The following GFRA1 variants were observed in gnomAD, a reference collection of about 807,000 sequenced individuals.
The protein encoded by GFRA1 is GDNF family receptor alpha 1.
Under a neutral mutation model 51.6 loss-of-function variants are expected in GFRA1, and 16 were observed. The ratio of observed to expected loss-of-function variants is 0.31; its 90% CI spans 0.21 to 0.47. GFRA1 has a LOEUF of 0.47. GFRA1 is among the 20% of genes least tolerant of loss of function. The probability of loss-of-function intolerance (pLI) is 1.00; values close to 1 mark genes in which losing one functional copy is unlikely to be tolerated. For missense variants in GFRA1, 530 were observed against 594.3 expected (o/e 0.89, Z 1.13); for synonymous variants, 270 against 241.3 (o/e 1.12, Z -1.10).
At chr10:116,085,375 G>T (rs1440165390) in intron 9 of GFRA1, among the ~76,000 whole-genome samples, 1 of 152,176 alleles carries the variant, frequency 6.6e-6, no homozygotes, top group Non-Finnish European at 1.5e-5. Flanking sequence ...CTTCTCAAGG[G>T]AAGTGAACTT....
chr10:116,271,896 C>T lies in GFRA1; in HGVS notation c.40+94G>A, dbSNP rs1209975350. 14 of 962,268 alleles carry T rather than the reference C, an allele frequency of 1.5e-5. No individual in the cohort carries two copies. In the Admixed American group the frequency reaches 2.4e-4, roughly 16 times the overall value. 59.6% of individuals were successfully genotyped at this position (962,268 alleles called of 1,614,324 possible). A position where few individuals can be genotyped will look rare whatever the true frequency, so the allele number is the denominator to read the frequency against. ...TCCTTCCACATCCACCACACCCGCG[C>T]CCCAATTTTGGTGCGGAGGGCGGGG... On this transcript the variant is annotated intron_variant, in intron 2 of 10. Transcript: ENST00000355422.
At chr10:116,216,219 GTGC>G (rs1565656961) in intron 4 of GFRA1, among the ~76,000 whole-genome samples, 1 of 152,168 alleles carries the variant, frequency 6.6e-6, no homozygotes, top group Non-Finnish European at 1.5e-5. Context: ...ACTTTCTTGA[GTGC>G]TACTCATCCA....
At chr10:116,194,054 ATAAATAAAATTT>A (rs1389753668) in intron 5 of GFRA1, among the ~76,000 whole-genome samples, 2 of 76,896 alleles carry the variant, frequency 2.6e-5, no homozygotes, top group Non-Finnish European at 5.0e-5. Context: ...AAAAAAATAA[ATAAATAAAATTT>A]AAAAAAAAAA....
chr10:116,185,383 T>C (rs1355780932), intron 5 of GFRA1, among the ~76,000 whole-genome samples: 2 of 152,108 alleles, frequency 1.3e-5, no homozygotes, highest in Non-Finnish European at 2.9e-5. Flanking sequence ...TTAATTGTGA[T>C]GCTACATAAG....
chr10:116,073,836 T>C (rs1955507813), intron 9 of GFRA1, among the ~76,000 whole-genome samples: 1 of 152,188 alleles, frequency 6.6e-6, no homozygotes, highest in Non-Finnish European at 1.5e-5. Context: ...CTGTGACTTA[T>C]GGTGGTAACT....
intron 9 of GFRA1, among the ~76,000 whole-genome samples, chr10:116,066,336 A>C (rs1278424355): frequency 6.6e-6 from 1 of 152,142 alleles, no homozygotes; most frequent in Admixed American, 6.5e-5. Context: ...ACCCTTTCAG[A>C]TGGGCATCCT....
chr10:116,181,409 C>T (rs148826769), intron 5 of GFRA1, among the ~76,000 whole-genome samples: 52 of 152,288 alleles, frequency 3.4e-4, no homozygotes, highest in African/African-American at 1.0e-3. Context: ...GGCCTCACAA[C>T]GGAAAGGACC....
rs527249330 is a variant in GFRA1 at position 116,206,206 on chromosome 10, T to A, written c.433+5425A>T. Among the ~76,000 whole-genome samples the A allele has an allele frequency of 1.1e-4, 16 of 152,244 alleles. No homozygotes were observed. The South Asian group carries it at 3.3e-3, about 32-fold the overall frequency. ...TTACCTGGAAGTGGTAAAAATAGAT[T>A]TCATTTATTCACTCAAATCCCACAC... On this transcript the variant is annotated intron_variant, in intron 5 of 10. Transcript: ENST00000355422.
At chr10:116,185,064 T>C (rs908469309) in intron 5 of GFRA1, among the ~76,000 whole-genome samples, 5 of 152,138 alleles carry the variant, frequency 3.3e-5, no homozygotes, top group African/African-American at 1.2e-4. Flanking sequence ...CTGTTCTGAA[T>C]GTAAGGAGAG....
intron 5 of GFRA1, among the ~76,000 whole-genome samples, chr10:116,192,730 G>A (rs773100483): frequency 6.6e-6 from 1 of 152,100 alleles, no homozygotes; most frequent in African/African-American, 2.4e-5. Context: ...AATTCCATGG[G>A]AGTGCGGGGC....
chr10:116,152,012 G>C (rs938485774), intron 5 of GFRA1, among the ~76,000 whole-genome samples: 2 of 152,160 alleles, frequency 1.3e-5, no homozygotes, highest in African/African-American at 4.8e-5. Flanking sequence ...AAAGCTTGGT[G>C]ATTTGAAGAA....
At chr10:116,245,881 T>C (rs1967825775) in intron 4 of GFRA1, among the ~76,000 whole-genome samples, 2 of 152,074 alleles carry the variant, frequency 1.3e-5, no homozygotes, top group Admixed American at 6.6e-5. Flanking sequence ...AAAAGAAAAC[T>C]ATGAAGACAG....
chr10:116,095,837 C>T (rs143540927), intron 7 of GFRA1, among the ~76,000 whole-genome samples: 5 of 152,180 alleles, frequency 3.3e-5, no homozygotes, highest in Admixed American at 6.5e-5. Flanking sequence ...CTTCTGACAA[C>T]TGTGATTTTC....
chr10:116,075,039 G>A (rs1030617529), intron 9 of GFRA1, among the ~76,000 whole-genome samples: 3 of 152,140 alleles, frequency 2.0e-5, no homozygotes, highest in Non-Finnish European at 2.9e-5. Context: ...TTATTACCCA[G>A]CAATTGGGTT....
intron 4 of GFRA1, among the ~76,000 whole-genome samples, chr10:116,237,197 A>T (rs907318352): frequency 1.3e-5 from 2 of 152,200 alleles, no homozygotes; most frequent in African/African-American, 4.8e-5. Context: ...AGCTATACAA[A>T]CTGCTCTGCA....
At chr10:116,161,257 G>C (rs138107452) in intron 5 of GFRA1, among the ~76,000 whole-genome samples, 96 of 152,282 alleles carry the variant, frequency 6.3e-4, no homozygotes, top group Middle Eastern at 3.4e-3. Context: ...TCACTGGAAG[G>C]TCAGTTCTCC....
At chr10:116,073,846 T>C (rs1955508405) in intron 9 of GFRA1, among the ~76,000 whole-genome samples, 1 of 152,156 alleles carries the variant, frequency 6.6e-6, no homozygotes, top group Non-Finnish European at 1.5e-5. Flanking sequence ...TGGTGGTAAC[T>C]AAGGTTTGAT....
chr10:116,099,805 G>C (rs1956746278), intron 6 of GFRA1, among the ~76,000 whole-genome samples: 1 of 152,186 alleles, frequency 6.6e-6, no homozygotes, highest in African/African-American at 2.4e-5. Flanking sequence ...ATTTGTTCTT[G>C]ATAAAAGGTA....
chr10:116,273,853 C>G (rs1844124055), upstream of GFRA1, among the ~76,000 whole-genome samples: 1 of 152,118 alleles, frequency 6.6e-6, no homozygotes, highest in Non-Finnish European at 1.5e-5. Flanking sequence ...CACTCAGACC[C>G]AGGACGCTGG....
Sources: gnomAD v4.1 joint callset for allele counts (sites outside exome capture counted in the v4.1 genomes callset) on GRCh38, gnomAD v4.1.1 for gene constraint, MANE v1.5 for transcripts, NCBI Gene and HGNC (gene_info 2026-07-23, HGNC 2026-07-21) for gene names.